LRP2: variants seen among roughly 807,000 people sequenced by gnomAD.
LRP2 encodes low-density lipoprotein receptor-related protein 2.
Under a neutral mutation model 531.0 loss-of-function variants are expected in LRP2, and 172 were observed. That is an observed-to-expected ratio of 0.32 (90% CI 0.29 to 0.37). The LOEUF (loss-of-function observed/expected upper bound fraction) is 0.37. LRP2 is among the 10% of genes least tolerant of loss of function. LRP2 has a pLI of 1.00. For synonymous variants in LRP2, 1,992 were observed against 2,027.6 expected, an observed-to-expected ratio of 0.98 and a Z score of 0.47; for missense variants, 5,167 against 5,868.3, an observed-to-expected ratio of 0.88 and a Z score of 3.90.
At chr2:169,269,297 A>T (rs1683332005) in intron 16 of LRP2, among the ~76,000 whole-genome samples, 1 of 152,188 alleles carries the variant, frequency 6.6e-6, no homozygotes, top group South Asian at 2.1e-4. Flanking sequence ...CATTGCCAAG[A>T]CAATCCTAAG....
chr2:169,316,013 G>A (rs992705058), intron 3 of LRP2, among the ~76,000 whole-genome samples: 10 of 148,978 alleles, frequency 6.7e-5, no homozygotes, highest in Non-Finnish European at 8.9e-5. Flanking sequence ...GGTGCCATGC[G>A]CCCGTAGTCC....
At chr2:169,257,464 A>C (rs1690350860) in intron 17 of LRP2, among the ~76,000 whole-genome samples, 2 of 152,158 alleles carry the variant, frequency 1.3e-5, no homozygotes, top group Admixed American at 6.6e-5. Context: ...ATGGCATTTA[A>C]ATGGGCATTG....
chr2:169,329,756 G>C (rs1024304139), intron 1 of LRP2, among the ~76,000 whole-genome samples: 1 of 152,204 alleles, frequency 6.6e-6, no homozygotes, highest in Non-Finnish European at 1.5e-5. Context: ...AGCCCCTCCA[G>C]CTGCCCCAGA....
In LRP2 at chr2:169,142,854, C is replaced by T. The variant is rs759316794; in HGVS notation, c.12989-61G>A. On this transcript the variant is annotated intron_variant, in intron 70 of 78. Transcript: ENST00000649046. ...CAGAATGAATAACCTGAATACCCAG[C>T]AACTGGAAGTGGCTCTGCCAGGTGA... The T allele has an allele frequency of 4.4e-6, 7 of 1,603,138 alleles. No individual in the cohort carries two copies. The East Asian group carries it at 1.1e-4, about 26-fold the overall frequency.
At chr2:169,197,073 G>T in intron 45 of LRP2, 43 bp from the exon 46 acceptor site, 2 of 1,608,786 alleles carry the variant, frequency 1.2e-6, no homozygotes. Flanking sequence ...CAAAACACAA[G>T]CATGTTCCCA....
chr2:169,209,541 A>G lies in LRP2; in HGVS notation c.6381T>C (p.Ile2127=). ...SVASDNAIRR[I]KPDGSSLMNI... ...TCATCAGAGAAGATCCATCTGGTTT[A>G]ATTCTACGGATCGCATTATCAGATG... is the stretch of plus-strand genomic sequence containing the variant. The change falls in exon 38 of 79, where the codon ATT becomes ATC. Residue 2127 remains isoleucine, a synonymous_variant. Transcript: ENST00000649046. 1 of 1,614,164 alleles carries G rather than the reference A, an allele frequency of 6.2e-7. No homozygotes were observed. Among genetic ancestry groups the G allele is most frequent in the East Asian group, 2.2e-5 (1 of 44,888 alleles).
chr2:169,327,874 GA>G (rs371531806), intron 1 of LRP2, among the ~76,000 whole-genome samples: 38,550 of 39,184 alleles, frequency 0.98, 19,046 homozygotes, highest in Admixed American at 0.99. Flanking sequence ...CCCCGTCCGG[GA>G]AGGGAGGTGG....
intron 19 of LRP2, among the ~76,000 whole-genome samples, chr2:169,248,585 A>G (rs1372029987): frequency 6.6e-6 from 1 of 152,262 alleles, no homozygotes; most frequent in African/African-American, 2.4e-5. Context: ...ACAACAAAAG[A>G]ACTTTCCAAA....
At chr2:169,215,885 T>C (rs1174359545) in intron 35 of LRP2, among the ~76,000 whole-genome samples, 1 of 151,002 alleles carries the variant, frequency 6.6e-6, no homozygotes, top group Non-Finnish European at 1.5e-5. Context: ...ATATTCTCTA[T>C]AATTGGAGAA....
intron 64 of LRP2, 52 bp from the exon 65 acceptor site, chr2:169,156,457 A>T (rs1293507578): frequency 1.7e-5 from 27 of 1,609,892 alleles, no homozygotes; most frequent in Non-Finnish European, 2.3e-5. Flanking sequence ...TCCATTCCTT[A>T]GAGATCTTGC....
At chr2:169,326,666 C>A (rs1685070219) in intron 1 of LRP2, among the ~76,000 whole-genome samples, 2 of 152,096 alleles carry the variant, frequency 1.3e-5, no homozygotes, top group African/African-American at 4.8e-5. Context: ...AGCGTCTCTG[C>A]CTGGCCGCCC....
At chr2:169,258,948 A>G in intron 17 of LRP2, 77 bp downstream of exon 17, 1 of 1,263,648 alleles carries the variant, frequency 7.9e-7, no homozygotes, top group South Asian at 1.2e-5. Flanking sequence ...ACTTACCTAA[A>G]TCCCTAGGGC....
rs536517156 is a variant in LRP2, at chr2:169,193,811, C to T, written c.8780G>A (p.Gly2927Asp). The T allele has an allele frequency of 6.2e-7, 1 of 1,614,186 alleles. No homozygotes were observed. The highest frequency in any genetic ancestry group is 2.2e-5 in the East Asian group (1 of 44,878). The change falls in exon 47 of 79, where the codon GGT becomes GAT. Residue 2927 changes from glycine (G) to aspartate (D), a missense_variant. This residue lies in a region of LRP2 where 1,129 missense variants were observed against 1,362.7 expected (regional missense o/e 0.83). Coordinates refer to ENST00000649046, the MANE Select transcript of LRP2 (RefSeq NM_004525.3). ...RCIPSEWICD[G>D]DNDCGDMSDE... ...ACTCATATCCCCACAGTCATTATCA[C>T]CGTCACAGATCCATTCGCTTGGGAT... is the stretch of plus-strand genomic sequence containing the variant.
intron 1 of LRP2, among the ~76,000 whole-genome samples, chr2:169,321,799 G>A (rs1684914976): frequency 6.6e-6 from 1 of 151,938 alleles, no homozygotes; most frequent in Non-Finnish European, 1.5e-5. Flanking sequence ...GACACCAAAA[G>A]TTGACACCCC....
At chr2:169,328,050 G>A (rs1298564267) in intron 1 of LRP2, among the ~76,000 whole-genome samples, 2 of 137,702 alleles carry the variant, frequency 1.5e-5, no homozygotes, top group South Asian at 2.3e-4. Flanking sequence ...CAGCCGCCCC[G>A]TCCGGGAGGG....
At chr2:169,279,343 A>G (rs1683638142) in intron 12 of LRP2, 29 bp downstream of exon 12, 5 of 1,516,820 alleles carry the variant, frequency 3.3e-6, no homozygotes, top group African/African-American at 1.4e-5. Flanking sequence ...CTAAAAATAC[A>G]GGAATCAATA....
chr2:169,190,826 T>A (rs1687804341), intron 48 of LRP2, among the ~76,000 whole-genome samples: 1 of 152,234 alleles, frequency 6.6e-6, no homozygotes, highest in African/African-American at 2.4e-5. Context: ...CTTTTGCTAA[T>A]GCTCGTACTA....
intron 17 of LRP2, among the ~76,000 whole-genome samples, chr2:169,258,786 T>C (rs1375773891): frequency 6.6e-6 from 1 of 152,070 alleles, no homozygotes; most frequent in Non-Finnish European, 1.5e-5. Flanking sequence ...AAACTACTCT[T>C]CAGTGAAGAC....
At chr2:169,144,470 G>C (rs1280383806) in intron 70 of LRP2, among the ~76,000 whole-genome samples, 1 of 150,026 alleles carries the variant, frequency 6.7e-6, no homozygotes, top group Non-Finnish European at 1.5e-5. Flanking sequence ...TTCCTTCAGG[G>C]GCAGCCTCCA....
Sources: allele counts gnomAD v4.1 joint callset (sites outside exome capture counted in the v4.1 genomes callset), GRCh38; gene constraint gnomAD v4.1.1; regional missense constraint gnomAD v4.1.1; transcripts MANE v1.5; gene names NCBI Gene and HGNC (gene_info 2026-07-23, HGNC 2026-07-21).